The following PPP1CC variants were observed in gnomAD, a reference collection of about 807,000 sequenced individuals.
PPP1CC encodes protein phosphatase 1 catalytic subunit gamma.
A neutral mutation model predicts 38.4 loss-of-function variants in PPP1CC; 16 were observed. That is an observed-to-expected ratio of 0.42 (90% confidence interval 0.28 to 0.63). The LOEUF is 0.63. Among genes scored for constraint, PPP1CC ranks in the 30% least tolerant of loss-of-function variants. The pLI, the probability that PPP1CC is intolerant of heterozygous loss-of-function variation, is 0.25. For missense variants in PPP1CC, 170 were observed against 391.3 expected, an observed-to-expected ratio of 0.43 and a Z score of 4.77; for synonymous variants, 158 against 136.0, an observed-to-expected ratio of 1.16 and a Z score of -1.13.
intron 1 of PPP1CC, chr12:110,732,489 T>A (rs2069885785): frequency 6.6e-6 from 1 of 152,504 alleles, no homozygotes; most frequent in South Asian, 2.1e-4. Context: ...CAGAGGACCA[T>A]GGGTATCTCC....
At chr12:110,715,985 T>A (rs2069684128), downstream of PPP1CC, among the ~76,000 whole-genome samples, 1 of 152,234 alleles carries the variant, frequency 6.6e-6, no homozygotes, top group Non-Finnish European at 1.5e-5. Flanking sequence ...ATGTTTGTAA[T>A]ACTAAATAGA....
In PPP1CC at chr12:110,722,310, T is replaced by C; in HGVS notation, c.748-41A>G. 1.2e-6 allele frequency: 2 copies of C among 1,602,222 alleles called. No individual in the cohort carries two copies. Among genetic ancestry groups the C allele is most frequent in the Middle Eastern group, 1.7e-4 (1 of 6,034 alleles). Reference sequence around the variant, plus strand: ...TTTTCAATATAAATAGGTGCAAATATTAGGTGAGTAAAACCATGTTTCAGT... The same window carrying C: ...TTTTCAATATAAATAGGTGCAAATACTAGGTGAGTAAAACCATGTTTCAGT... On this transcript the variant is annotated intron_variant, in intron 5 of 6. Coordinates refer to ENST00000335007, the MANE Select transcript of PPP1CC (RefSeq NM_002710.4). This position sits in a 1 kb window ranked among gnomAD's most constrained non-coding sequence, Gnocchi z 5.4.
At chr12:110,723,134 C>T (rs528532007) in intron 4 of PPP1CC, among the ~76,000 whole-genome samples, 1 of 152,308 alleles carries the variant, frequency 6.6e-6, no homozygotes, top group Non-Finnish European at 1.5e-5. Context: ...TTAAAATCTA[C>T]AAGAGCTTAT....
At chr12:110,740,425 T>G (rs1448368949) in intron 1 of PPP1CC, among the ~76,000 whole-genome samples, 1 of 152,060 alleles carries the variant, frequency 6.6e-6, no homozygotes, top group Non-Finnish European at 1.5e-5. Context: ...CATTTCTATT[T>G]TAAATTATTA....
intron 1 of PPP1CC, 123 bp downstream of exon 1, chr12:110,742,527 CGAG>C: frequency 1.3e-6 from 1 of 780,038 alleles, no homozygotes; most frequent in South Asian, 3.9e-5. Flanking sequence ...TGGGCCAACT[CGAG>C]GAGCTCACTC....
Position 110,724,769 on chromosome 12 carries a change from G to GATTAAAAAGAGAGTATTAC in PPP1CC, c.419-24_419-6dup, listed in dbSNP as rs758054057. 4.0e-6 allele frequency: 6 copies of GATTAAAAAGAGAGTATTAC among 1,498,206 alleles called. No homozygotes were observed. The African/African-American group carries it at 8.3e-5, about 21-fold the overall frequency. The allele number at this position is 1,498,206 out of a possible 1,614,324, so 92.8% of individuals were successfully genotyped here. ...TAATGTTGTATCTTCTTTTACCTGT[G>GATTAAAAAGAGAGTATTAC]ATTAAAAAGAGAGTATTACATTAAA... On this transcript the variant is annotated splice_region_variant and splice_polypyrimidine_tract_variant and intron_variant, in intron 3 of 6. Transcript: ENST00000335007.
At chr12:110,730,781 C>T in intron 2 of PPP1CC, 22 bp from the exon 3 acceptor site, 2 of 1,512,306 alleles carry the variant, frequency 1.3e-6, no homozygotes, top group Non-Finnish European at 1.8e-6. Context: ...AATTTTGTTA[C>T]ACAGTGTTCC....
downstream of PPP1CC, among the ~76,000 whole-genome samples, chr12:110,718,187 T>C (rs2069702084): frequency 6.6e-6 from 1 of 152,198 alleles, no homozygotes; most frequent in South Asian, 2.1e-4. Context: ...ACAAGGGTTA[T>C]ATGTGAGCAT....
At chr12:110,713,097 A>G in the PPP1CC span, among the ~76,000 whole-genome samples, 1 of 151,702 alleles carries the variant, frequency 6.6e-6, no homozygotes. Flanking sequence ...AGAAATGAAA[A>G]CCAGCAAATA....
chr12:110,735,893 C>T (rs371575928), intron 1 of PPP1CC, among the ~76,000 whole-genome samples: 21 of 152,040 alleles, frequency 1.4e-4, no homozygotes, highest in South Asian at 4.2e-4. Context: ...GGTGAAACCC[C>T]GTCTCTACTA....
chr12:110,738,768 T>C (rs1299493830), intron 1 of PPP1CC, among the ~76,000 whole-genome samples: 3 of 152,188 alleles, frequency 2.0e-5, no homozygotes, highest in Non-Finnish European at 2.9e-5. Context: ...CTCCTGCTAC[T>C]GACAGGCAAG....
chr12:110,724,649 A>T lies in PPP1CC; in HGVS notation c.523+11T>A. 6.4e-7 allele frequency: 1 copy of T among 1,560,772 alleles called. No homozygotes were observed. The highest frequency in any genetic ancestry group is 1.7e-5 in the Admixed American group (1 of 59,778). On this transcript the variant is annotated intron_variant, in intron 4 of 6. Transcript: ENST00000335007. ...TCAAAACCTATTTGGAACAAAAATC[A>T]GCCCACCTACCTCCATGACAGCAGA...
intron 1 of PPP1CC, among the ~76,000 whole-genome samples, chr12:110,736,233 C>T (rs562379912): frequency 2.6e-5 from 4 of 152,106 alleles, no homozygotes; most frequent in Non-Finnish European, 5.9e-5. Context: ...CTGTTAAAAG[C>T]GAAGGTTGCT....
rs928527294 is a variant in PPP1CC at position 110,731,846 on chromosome 12, T to C, written c.111A>G (p.Gly37=). ...NVQLQENEIR[G]LCLKSREIFL... The stretch of plus-strand genomic sequence containing the variant: ...AGATTTCACGAGACTTTAAGCACAG[T>C]CCTCTGATTTCATTCTCCTGAAGCT... Residue 37 remains glycine, a synonymous_variant, in exon 2 of 7, where the codon GGA becomes GGG. Transcript: ENST00000335007. The C allele has an allele frequency of 1.2e-6, 2 of 1,613,828 alleles. No homozygotes were observed. The highest frequency in any genetic ancestry group is 1.1e-5 in the South Asian group (1 of 91,064).
chr12:110,722,087 C>A lies in PPP1CC; in HGVS notation c.882+48G>T, dbSNP rs778136398. 6.2e-7 allele frequency: 1 copy of A among 1,602,678 alleles called. No individual in the cohort carries two copies. The highest frequency in any genetic ancestry group is 1.1e-5 in the South Asian group (1 of 89,818). ...AGTAGCAATTATATTTTTCAATCAG[C>A]AAAGTGTAAACATATTAAAAGGAAA... On this transcript the variant is annotated intron_variant, in intron 6 of 6. Coordinates refer to ENST00000335007, the MANE Select transcript of PPP1CC (RefSeq NM_002710.4). The surrounding 1 kb of genome is among the most constrained non-coding windows in gnomAD (Gnocchi z 5.4).
the PPP1CC span, among the ~76,000 whole-genome samples, chr12:110,711,706 C>G: frequency 1.3e-5 from 2 of 152,072 alleles, no homozygotes; most frequent in African/African-American, 2.4e-5. Flanking sequence ...AGGAGGATCA[C>G]CTGAGGTTGG....
At position 110,722,314 on chromosome 12, in the gene PPP1CC, G is replaced by GT. The variant is rs760114006; in HGVS notation, c.748-46dup. ...CAATATAAATAGGTGCAAATATTAG[G>GT]TGAGTAAAACCATGTTTCAGTTTCC... On this transcript the variant is annotated intron_variant, in intron 5 of 6. Transcript: ENST00000335007. The surrounding 1 kb of genome is among the most constrained non-coding windows in gnomAD (Gnocchi z 5.4). The GT allele has an allele frequency of 6.2e-7, 1 of 1,600,946 alleles. No homozygotes were observed. Among genetic ancestry groups the GT allele is most frequent in the Non-Finnish European group, 8.5e-7 (1 of 1,170,084 alleles).
At chr12:110,715,541 A>G (rs1178611053), downstream of PPP1CC, among the ~76,000 whole-genome samples, 1 of 151,862 alleles carries the variant, frequency 6.6e-6, no homozygotes, top group Non-Finnish European at 1.5e-5. Context: ...TGTTGCCCAT[A>G]CTGGAAAAAA....
At chr12:110,714,394 C>T in the PPP1CC span, among the ~76,000 whole-genome samples, 5 of 152,142 alleles carry the variant, frequency 3.3e-5, no homozygotes, top group South Asian at 2.1e-4. Context: ...CTGTGATCCA[C>T]GCTGAATCTG....
Sources: gnomAD v4.1 joint callset for allele counts (sites outside exome capture counted in the v4.1 genomes callset) on GRCh38, gnomAD v4.1.1 for gene constraint, Gnocchi (gnomAD v3.1) non-coding constraint, MANE v1.5 for transcripts, NCBI Gene and HGNC (gene_info 2026-07-23, HGNC 2026-07-21) for gene names.